The following PNO1 variants were observed in gnomAD, a reference collection of about 807,000 sequenced individuals.
The protein encoded by PNO1 is partner of NOB1 homolog.
In PNO1, 16 loss-of-function variants were observed where a neutral mutation model predicts 28.4. That is an observed-to-expected ratio of 0.56 (90% CI 0.38 to 0.85). The LOEUF is 0.85. Among genes scored for constraint, PNO1 ranks in the 40% least tolerant of loss-of-function variants. The pLI is 0.00. For synonymous variants in PNO1, 115 were observed against 110.8 expected (o/e 1.04, Z -0.24); for missense variants, 304 against 312.2 (o/e 0.97, Z 0.20).
chr2:68,159,964 ATT>A (rs1206527655), intron 2 of PNO1, among the ~76,000 whole-genome samples: 107 of 116,892 alleles, frequency 9.2e-4, no homozygotes, highest in African/African-American at 2.3e-3. Flanking sequence ...ACAAAAAAAA[ATT>A]TTTTTTTTTT....
Position 68,174,722 on chromosome 2 carries a change from T to C in PNO1, c.692-13T>C. ...AGTTTATTTGTGTATATACTTTTTT[T>C]TCCCCTTTGCAGGAAATCCTCCTTC... is the stretch of plus-strand genomic sequence containing the variant. On this transcript the variant is annotated splice_polypyrimidine_tract_variant and intron_variant, in intron 6 of 6. Coordinates refer to ENST00000263657, the MANE Select transcript of PNO1 (RefSeq NM_020143.4). 1 of 1,590,366 alleles carries C rather than the reference T, an allele frequency of 6.3e-7. No homozygotes were observed. Among genetic ancestry groups the C allele is most frequent in the Non-Finnish European group, 8.6e-7 (1 of 1,159,514 alleles).
chr2:68,159,254 ATG>A (rs71825244), intron 2 of PNO1, among the ~76,000 whole-genome samples: 61,894 of 149,972 alleles, frequency 0.41, 12,893 homozygotes, highest in South Asian at 0.6. Flanking sequence ...ATGCATATAT[ATG>A]TGTGTGTGTG....
intron 5 of PNO1, 161 bp from the exon 6 acceptor site, chr2:68,173,186 T>C (rs1674177613): frequency 1.9e-6 from 1 of 537,342 alleles, no homozygotes; most frequent in Non-Finnish European, 3.3e-6. Context: ...CAGCTAACTG[T>C]TGAATTTTTT....
chr2:68,173,417 G>A lies in PNO1; in HGVS notation c.691G>A (p.Gly231Arg), dbSNP rs547369730. 77 of 1,571,780 alleles carry A rather than the reference G, an allele frequency of 4.9e-5. No homozygotes were observed. In the South Asian group the frequency reaches 8.2e-4, roughly 17 times the overall value. Residue 231 changes from glycine to arginine, a missense_variant and splice_region_variant, in exon 6 of 7, where the codon GGA becomes AGA. Transcript: ENST00000263657. ...AACTGCCATTTGCAACCTAATCTTG[G>A]GTAATAGCAGTTTCTTTCTTTGGTG... is the stretch of plus-strand genomic sequence containing the variant. The part of the protein sequence containing the change: ...ARTAICNLIL[G>R]NPPSKVYGNI...
intron 5 of PNO1, among the ~76,000 whole-genome samples, chr2:68,170,710 T>TGCACTCCAGCCTG (rs1015863567): frequency 2.4e-5 from 3 of 124,932 alleles, no homozygotes; most frequent in African/African-American, 9.5e-5. Context: ...ATTGCGCCAC[T>TGCACTCCAGCCTG]GCACTCCAGC....
chr2:68,166,517 C>G (rs1174686327), intron 5 of PNO1, among the ~76,000 whole-genome samples: 4 of 152,132 alleles, frequency 2.6e-5, no homozygotes, highest in Non-Finnish European at 5.9e-5. Context: ...AGGGGTTAAT[C>G]TTGCTGTCTC....
chr2:68,166,159 T>A (rs1409866834), intron 5 of PNO1, among the ~76,000 whole-genome samples: 2 of 152,236 alleles, frequency 1.3e-5, no homozygotes, highest in African/African-American at 4.8e-5. Flanking sequence ...TCCTTTTTAT[T>A]GGCAAGTACT....
intron 5 of PNO1, among the ~76,000 whole-genome samples, chr2:68,163,918 TGA>T (rs1183724654): frequency 1.3e-5 from 2 of 152,188 alleles, no homozygotes; most frequent in African/African-American, 4.8e-5. Flanking sequence ...AACAGTTGAC[TGA>T]GAGGAGGAGG....
chr2:68,173,908 C>G (rs1410222946), intron 6 of PNO1, among the ~76,000 whole-genome samples: 1 of 152,102 alleles, frequency 6.6e-6, no homozygotes, highest in Non-Finnish European at 1.5e-5. Flanking sequence ...TGCTTAGATT[C>G]CATTTGTCTG....
chr2:68,159,657 G>A (rs1239080738), intron 2 of PNO1, among the ~76,000 whole-genome samples: 4 of 151,976 alleles, frequency 2.6e-5, no homozygotes, highest in African/African-American at 7.3e-5. Flanking sequence ...ACCATCATCC[G>A]GACTGGTATA....
Position 68,174,970 on chromosome 2 carries a change from C to T in PNO1, c.*168C>T. On this transcript the variant is annotated 3_prime_UTR_variant, in exon 7 of 7. Coordinates refer to ENST00000263657, the MANE Select transcript of PNO1 (RefSeq NM_020143.4). ...GAAAAGAAAGATTTAAGAGGATTCA[C>T]ACTCAACAGGTTTTAGGATAATTTA... 1 of 513,658 alleles carries T rather than the reference C, an allele frequency of 1.9e-6. No individual in the cohort carries two copies. Among genetic ancestry groups the T allele is most frequent in the South Asian group, 3.0e-5 (1 of 33,550 alleles). The allele number at this position is 513,658 out of a possible 1,614,324, so 31.8% of individuals were successfully genotyped here.
chr2:68,160,689 C>T (rs147279119), intron 2 of PNO1, among the ~76,000 whole-genome samples: 262 of 152,310 alleles, frequency 1.7e-3, no homozygotes, highest in Admixed American at 0.015. Flanking sequence ...AGTCATCAGT[C>T]TAATAAGGGA....
At chr2:68,168,736 A>G (rs888793681) in intron 5 of PNO1, among the ~76,000 whole-genome samples, 1 of 152,022 alleles carries the variant, frequency 6.6e-6, no homozygotes, top group African/African-American at 2.4e-5. Flanking sequence ...TTTATAAGAT[A>G]AAGGGGTATT....
intron 5 of PNO1, among the ~76,000 whole-genome samples, chr2:68,172,026 A>G (rs1674143925): frequency 6.6e-6 from 1 of 152,164 alleles, no homozygotes; most frequent in Non-Finnish European, 1.5e-5. Context: ...GGGTGTGACC[A>G]TGGATGGAAG....
chr2:68,171,049 T>C (rs1319058656), intron 5 of PNO1, among the ~76,000 whole-genome samples: 1 of 152,186 alleles, frequency 6.6e-6, no homozygotes, highest in East Asian at 1.9e-4. Context: ...TTTTGTTAGA[T>C]TCGTGTTCAG....
chr2:68,159,853 C>A (rs1451458719), intron 2 of PNO1, among the ~76,000 whole-genome samples: 1 of 151,814 alleles, frequency 6.6e-6, no homozygotes, highest in African/African-American at 2.4e-5. Context: ...TCCCTTGCTT[C>A]ATTGTTTGAC....
intron 2 of PNO1, among the ~76,000 whole-genome samples, chr2:68,159,656 C>T (rs1308312703): frequency 3.9e-5 from 6 of 152,042 alleles, no homozygotes; most frequent in Admixed American, 2.0e-4. Context: ...TACCATCATC[C>T]GGACTGGTAT....
Position 68,175,942 on chromosome 2 carries a change from G to A in PNO1, c.*1140G>A, listed in dbSNP as rs918980461. The A allele has an allele frequency of 6.6e-6, 1 of 152,188 alleles. No homozygotes were observed. The highest frequency in any genetic ancestry group is 2.4e-5 in the African/African-American group (1 of 41,450). 9.4% of individuals were successfully genotyped at this position (152,188 alleles called of 1,614,324 possible). A position where few individuals can be genotyped will look rare whatever the true frequency, so the allele number is the denominator to read the frequency against. On this transcript the variant is annotated 3_prime_UTR_variant, in exon 7 of 7. Transcript: ENST00000263657. ...CAAAGCCTATTTTATAATAAAGTATGTTGAATATCTCATGTAATTTTTGAA... is the reference window on the plus strand; with the variant it reads ...CAAAGCCTATTTTATAATAAAGTATATTGAATATCTCATGTAATTTTTGAA...
At chr2:68,171,537 A>C (rs1375470477) in intron 5 of PNO1, among the ~76,000 whole-genome samples, 2 of 152,136 alleles carry the variant, frequency 1.3e-5, no homozygotes, top group Non-Finnish European at 2.9e-5. Flanking sequence ...TTGGGCTTAC[A>C]TCTTTCCTGT....
Sources: gnomAD v4.1 joint callset for allele counts (sites outside exome capture counted in the v4.1 genomes callset) on GRCh38, gnomAD v4.1.1 for gene constraint, MANE v1.5 for transcripts, NCBI Gene and HGNC (gene_info 2026-07-23, HGNC 2026-07-21) for gene names.